The following EIF4A2 variants were observed in gnomAD, a reference collection of about 807,000 sequenced individuals.
The protein encoded by EIF4A2 is eukaryotic initiation factor 4A-II.
Under a neutral mutation model 50.6 loss-of-function variants are expected in EIF4A2, and 9 were observed. The ratio of observed to expected loss-of-function variants is 0.18; its 90% CI spans 0.11 to 0.31. The LOEUF is 0.31. EIF4A2 is among the 10% of genes least tolerant of loss of function. The pLI is 1.00. For synonymous variants in EIF4A2, 215 were observed against 164.4 expected, an observed-to-expected ratio of 1.31 and a Z score of -2.35; for missense variants, 182 against 501.8, an observed-to-expected ratio of 0.36 and a Z score of 6.09.
intron 1 of EIF4A2, 88 bp downstream of exon 1, chr3:186,783,727 CTAAAT>C (rs1259617785): frequency 1.9e-5 from 31 of 1,598,292 alleles, no homozygotes; most frequent in South Asian, 7.7e-5. Flanking sequence ...GGCAAAAACT[CTAAAT>C]TAATGGACGT....
chr3:186,786,704 T>G (rs548165979), intron 7 of EIF4A2, 59 bp downstream of exon 7: 1 of 1,609,720 alleles, frequency 6.2e-7, no homozygotes, highest in African/African-American at 1.3e-5. Context: ...GTGCTAAAAT[T>G]GCAGACACTA....
chr3:186,788,582 G>A (rs1485814198), intron 10 of EIF4A2: 6 of 427,878 alleles, frequency 1.4e-5, no homozygotes, highest in Middle Eastern at 1.7e-3. Context: ...AGTTAAACAC[G>A]TTTAGAGTAA....
chr3:186,789,629 T>TA lies in EIF4A2; in HGVS notation c.*361dup, dbSNP rs1721998222. 1 of 331,882 alleles carries TA rather than the reference T, an allele frequency of 3.0e-6. No homozygotes were observed. 20.6% of individuals were successfully genotyped at this position (331,882 alleles called of 1,614,324 possible). On this transcript the variant is annotated 3_prime_UTR_variant, in exon 11 of 11. Coordinates refer to ENST00000323963, the MANE Select transcript of EIF4A2 (RefSeq NM_001967.4). ...TAAGTGCTGTATAAAATCAGCCAAT[T>TA]ATGTTAAACTAGCATATCTGCCTTT...
intron 7 of EIF4A2, 168 bp from the exon 8 acceptor site, chr3:186,786,958 GT>G: frequency 1.8e-6 from 2 of 1,084,990 alleles, no homozygotes; most frequent in East Asian, 2.4e-5. Context: ...GGTAGAGACA[GT>G]TTCACTTTCT....
intron 1 of EIF4A2, 157 bp from the exon 2 acceptor site, chr3:186,784,275 A>T: frequency 1.8e-6 from 2 of 1,085,298 alleles, no homozygotes; most frequent in Non-Finnish European, 2.7e-6. Context: ...CCCAACCTTT[A>T]GGGAAGGCGC....
At chr3:186,786,345 A>G (rs1721705027) in intron 6 of EIF4A2, 72 bp downstream of exon 6, 1 of 1,528,202 alleles carries the variant, frequency 6.5e-7, no homozygotes, top group Non-Finnish European at 8.9e-7. Flanking sequence ...TTACAATACA[A>G]CTGATGTGTT....
chr3:186,786,952 G>C, intron 7 of EIF4A2, 175 bp from the exon 8 acceptor site: 1 of 1,035,886 alleles, frequency 9.7e-7, no homozygotes. Context: ...ATTTTGGGTA[G>C]AGACAGTTTC....
In EIF4A2 at chr3:186,786,071, G is replaced by C. The variant is rs375491991; in HGVS notation, c.517+20G>C. On this transcript the variant is annotated intron_variant, in intron 5 of 10. Coordinates refer to ENST00000323963, the MANE Select transcript of EIF4A2 (RefSeq NM_001967.4). ...ACCTTTGTAAGTATTGTCTTTAAGA[G>C]AGTATTTTTTTTAAAACTGTTAACA... 4.4e-6 allele frequency: 7 copies of C among 1,600,752 alleles called. No homozygotes were observed. The South Asian group carries it at 7.7e-5, about 18-fold the overall frequency.
Position 186,786,160 on chromosome 3 carries a change from A to C in EIF4A2, c.518-4A>C, listed in dbSNP as rs765824901. Reference sequence around the variant, plus strand: ...AAATGACAGTATGACTTTGTTTCTAACAGCTCCAAAATGGATCAAAATGTT... The same window carrying C: ...AAATGACAGTATGACTTTGTTTCTACCAGCTCCAAAATGGATCAAAATGTT... On this transcript the variant is annotated splice_polypyrimidine_tract_variant and splice_region_variant and intron_variant, in intron 5 of 10. Coordinates refer to ENST00000323963, the MANE Select transcript of EIF4A2 (RefSeq NM_001967.4). 32 of 1,612,790 alleles carry C rather than the reference A, an allele frequency of 2.0e-5. 3 individuals carry two copies. In the South Asian group the frequency reaches 3.4e-4, roughly 17 times the overall value.
chr3:186,784,372 C>CTAA, intron 1 of EIF4A2, 60 bp from the exon 2 acceptor site: 1 of 1,613,290 alleles, frequency 6.2e-7, no homozygotes, highest in Non-Finnish European at 8.5e-7. Context: ...GGGCTATGCG[C>CTAA]TTAAGGTGCA....
At chr3:186,785,131 T>G in intron 4 of EIF4A2, 30 bp downstream of exon 4, 1 of 1,611,932 alleles carries the variant, frequency 6.2e-7, no homozygotes, top group Non-Finnish European at 8.5e-7. Flanking sequence ...AAAAAACTGC[T>G]TGCGTGTTGC....
In EIF4A2 at chr3:186,789,763, G is replaced by GCA; in HGVS notation, c.*495_*496insAC. The GCA allele has an allele frequency of 1.9e-6, 1 of 535,270 alleles. No individual in the cohort carries two copies. The highest frequency in any genetic ancestry group is 3.3e-6 in the Non-Finnish European group (1 of 302,916). 33.2% of individuals were successfully genotyped at this position (535,270 alleles called of 1,614,324 possible). On this transcript the variant is annotated 3_prime_UTR_variant, in exon 11 of 11. Coordinates refer to ENST00000323963, the MANE Select transcript of EIF4A2 (RefSeq NM_001967.4). ...TTATTCAATAAAGTATTTAATTAGTGCTAAGTGTGAACTGGACCCTGTTGC... is the reference window on the plus strand; with the variant it reads ...TTATTCAATAAAGTATTTAATTAGTGCACTAAGTGTGAACTGGACCCTGTTGC...
At chr3:186,787,066 T>C in intron 7 of EIF4A2, 61 bp from the exon 8 acceptor site, 1 of 1,605,572 alleles carries the variant, frequency 6.2e-7, no homozygotes, top group Non-Finnish European at 8.5e-7. Flanking sequence ...CCAGAATGAA[T>C]TTTTAACTGA....
At chr3:186,786,956 C>G in intron 7 of EIF4A2, 171 bp from the exon 8 acceptor site, 1 of 1,052,382 alleles carries the variant, frequency 9.5e-7, no homozygotes, top group East Asian at 2.4e-5. Context: ...TGGGTAGAGA[C>G]AGTTTCACTT....
At chr3:186,786,456 G>A (rs1432306830) in intron 6 of EIF4A2, 46 bp from the exon 7 acceptor site, 1 of 1,601,194 alleles carries the variant, frequency 6.2e-7, no homozygotes, top group East Asian at 2.2e-5. Flanking sequence ...TTTCCTTTGG[G>A]TATTAATGTG....
At chr3:186,786,395 C>G (rs1038956161) in intron 6 of EIF4A2, 107 bp from the exon 7 acceptor site, 8 of 1,534,718 alleles carry the variant, frequency 5.2e-6, no homozygotes, top group Non-Finnish European at 7.0e-6. Context: ...TGATGCATAA[C>G]TCTGTCTACC....
At position 186,789,891 on chromosome 3, in the gene EIF4A2, C is replaced by T; in HGVS notation, c.*622C>T. ...GAATGTTAAATAAATTGTATATTCACTTTAAAGGTGCTTTTGGTCATTTTA... is the reference window on the plus strand; with the variant it reads ...GAATGTTAAATAAATTGTATATTCATTTTAAAGGTGCTTTTGGTCATTTTA... On this transcript the variant is annotated 3_prime_UTR_variant, in exon 11 of 11. Transcript: ENST00000323963. 2 of 914,994 alleles carry T rather than the reference C, an allele frequency of 2.2e-6. No homozygotes were observed. Among genetic ancestry groups the T allele is most frequent in the South Asian group, 1.5e-5 (1 of 65,848 alleles). 56.7% of individuals were successfully genotyped at this position (914,994 alleles called of 1,614,324 possible).
intron 10 of EIF4A2, chr3:186,788,293 C>T (rs1721889389): frequency 2.3e-6 from 3 of 1,291,092 alleles, no homozygotes; most frequent in Non-Finnish European, 3.0e-6. Flanking sequence ...TAAAAAAAGA[C>T]TTTTTAAAAA....
chr3:186,789,251 T>C lies in EIF4A2; in HGVS notation c.1206T>C (p.Asn402=), dbSNP rs752161805. The C allele has an allele frequency of 4.3e-6, 7 of 1,610,644 alleles. No homozygotes were observed. The South Asian group carries it at 7.7e-5, about 18-fold the overall frequency. The part of the protein sequence containing the change: ...YNTTVEEMPM[N]VADLI ...CTACAGTGGAGGAGATGCCCATGAA[T>C]GTGGCTGACCTTATTTAATTCCTGG... The change falls in exon 11 of 11, where the codon AAT becomes AAC. Residue 402 remains asparagine (N), a synonymous_variant. Transcript: ENST00000323963.
Sources: allele counts gnomAD v4.1 joint callset, GRCh38; gene constraint gnomAD v4.1.1; transcripts MANE v1.5; gene names NCBI Gene and HGNC (gene_info 2026-07-23, HGNC 2026-07-21).